The following DPP10 variants were observed in gnomAD, a reference collection of about 807,000 sequenced individuals.
DPP10 encodes the protein inactive dipeptidyl peptidase 10.
DPP10 carries 33 observed loss-of-function variants against 120.9 expected under a neutral mutation model. The ratio of observed to expected loss-of-function variants is 0.27; its 90% confidence interval spans 0.21 to 0.37. The LOEUF is 0.37. DPP10 is among the 10% of genes least tolerant of loss of function. DPP10 has a pLI of 1.00. For synonymous variants in DPP10, 337 were observed against 326.1 expected, an observed-to-expected ratio of 1.03 and a Z score of -0.36; for missense variants, 816 against 942.8, an observed-to-expected ratio of 0.87 and a Z score of 1.76.
chr2:114,621,189 A>C (rs1235614506), intron 1 of DPP10, among the ~76,000 whole-genome samples: 1 of 152,056 alleles, frequency 6.6e-6, no homozygotes, highest in African/African-American at 2.4e-5. Flanking sequence ...ATGTTAGGCA[A>C]ATGCTTATTA....
chr2:115,631,674 G>C (rs933705266), intron 5 of DPP10, among the ~76,000 whole-genome samples: 1 of 152,030 alleles, frequency 6.6e-6, no homozygotes, highest in Admixed American at 6.5e-5. Context: ...ATTTACCCAG[G>C]AGTCATTCAG....
intron 1 of DPP10, among the ~76,000 whole-genome samples, chr2:114,828,089 G>GTA (rs1686726690): frequency 6.6e-6 from 1 of 152,088 alleles, no homozygotes; most frequent in Admixed American, 6.5e-5. Context: ...ACATTGCACT[G>GTA]TATATGTACT....
At chr2:115,710,050 T>C (rs1015667053) in intron 7 of DPP10, among the ~76,000 whole-genome samples, 11 of 151,988 alleles carry the variant, frequency 7.2e-5, no homozygotes, top group African/African-American at 2.2e-4. Context: ...CAACACAACA[T>C]ATAAGTAGGA....
At chr2:115,762,485 A>G in intron 11 of DPP10, 87 bp from the exon 12 acceptor site, 2 of 1,405,080 alleles carry the variant, frequency 1.4e-6, no homozygotes, top group Non-Finnish European at 2.0e-6. Context: ...GGGAAAAAAA[A>G]CTGATAACCG....
intron 8 of DPP10, among the ~76,000 whole-genome samples, chr2:115,736,056 T>C (rs892518526): frequency 1.3e-5 from 2 of 152,026 alleles, no homozygotes; most frequent in Admixed American, 1.3e-4. Context: ...GAGCCCACAA[T>C]GGTGGGGAGA....
chr2:114,751,858 C>G (rs79925968), intron 1 of DPP10, among the ~76,000 whole-genome samples: 1 of 152,164 alleles, frequency 6.6e-6, no homozygotes, highest in Non-Finnish European at 1.5e-5. Flanking sequence ...TGACTCTACA[C>G]CAGTACTTTT....
intron 1 of DPP10, among the ~76,000 whole-genome samples, chr2:114,537,502 CTT>C (rs900317502): frequency 4.0e-5 from 6 of 148,802 alleles, no homozygotes; most frequent in Middle Eastern, 7.0e-3. Context: ...AGAAGGGAGA[CTT>C]TTTTTTTTGG....
At chr2:115,076,557 G>A (rs1423634747) in intron 1 of DPP10, among the ~76,000 whole-genome samples, 1 of 151,968 alleles carries the variant, frequency 6.6e-6, no homozygotes, top group East Asian at 1.9e-4. Flanking sequence ...GTAATTTTTT[G>A]CACTATGTGT....
At chr2:115,662,390 G>T (rs1224718249) in intron 5 of DPP10, among the ~76,000 whole-genome samples, 1 of 151,596 alleles carries the variant, frequency 6.6e-6, no homozygotes, top group African/African-American at 2.4e-5. Context: ...CAAGAATCAA[G>T]GTTGTTGTAT....
At chr2:115,625,351 G>A (rs186722975) in intron 5 of DPP10, among the ~76,000 whole-genome samples, 1 of 152,208 alleles carries the variant, frequency 6.6e-6, no homozygotes, top group Non-Finnish European at 1.5e-5. Context: ...AGTGTGCTAA[G>A]GAGATACTTC....
At chr2:115,479,504 A>T (rs2075297755) in intron 3 of DPP10, among the ~76,000 whole-genome samples, 2 of 152,286 alleles carry the variant, frequency 1.3e-5, no homozygotes, top group East Asian at 3.9e-4. Flanking sequence ...TTATCCAACA[A>T]TATGAATGTA....
intron 1 of DPP10, among the ~76,000 whole-genome samples, chr2:114,896,014 T>C (rs1020114920): frequency 3.9e-5 from 6 of 152,186 alleles, no homozygotes; most frequent in African/African-American, 1.4e-4. Context: ...TGCTTTTTTT[T>C]CTCAGGTTTG....
chr2:114,648,949 G>T (rs10496470), intron 1 of DPP10, among the ~76,000 whole-genome samples: 1 of 152,038 alleles, frequency 6.6e-6, no homozygotes, highest in Admixed American at 6.5e-5. Flanking sequence ...CTCTGTAGAC[G>T]TGCAAGTATG....
chr2:115,759,397 A>G (rs1033297550), intron 11 of DPP10, among the ~76,000 whole-genome samples: 1 of 131,588 alleles, frequency 7.6e-6, no homozygotes, highest in Admixed American at 7.3e-5. Flanking sequence ...ATTTCTATAT[A>G]AAAAAAAAAA....
chr2:114,883,692 A>G (rs1471123794), intron 1 of DPP10, among the ~76,000 whole-genome samples: 3 of 152,202 alleles, frequency 2.0e-5, no homozygotes, highest in African/African-American at 7.2e-5. Context: ...TGCTATTAAA[A>G]AGCAACTGAA....
intron 1 of DPP10, among the ~76,000 whole-genome samples, chr2:114,814,396 CT>C (rs370423519): frequency 1.4e-4 from 21 of 147,664 alleles, no homozygotes; most frequent in South Asian, 2.2e-4. Context: ...GGATCTTAGG[CT>C]TTTTTTTTTC....
intron 1 of DPP10, among the ~76,000 whole-genome samples, chr2:114,888,425 T>G (rs1410962906): frequency 6.6e-6 from 1 of 151,998 alleles, no homozygotes; most frequent in Admixed American, 6.6e-5. Context: ...ATGACAGTTC[T>G]CAAAAAAAAG....
chr2:115,326,382 A>G (rs1409999387), intron 2 of DPP10, among the ~76,000 whole-genome samples: 1 of 152,086 alleles, frequency 6.6e-6, no homozygotes, highest in Non-Finnish European at 1.5e-5. Context: ...GTAAAATTAT[A>G]TCACATAGAA....
At chr2:115,340,633 G>A (rs568631377) in intron 2 of DPP10, among the ~76,000 whole-genome samples, 6 of 151,630 alleles carry the variant, frequency 4.0e-5, no homozygotes, top group African/African-American at 1.5e-4. Context: ...TGGTGTGGTG[G>A]ACTTACAGCC....
Sources: gnomAD v4.1 joint callset for allele counts (sites outside exome capture counted in the v4.1 genomes callset) on GRCh38, gnomAD v4.1.1 for gene constraint, MANE v1.5 for transcripts, NCBI Gene and HGNC (gene_info 2026-07-23, HGNC 2026-07-21) for gene names.